The following CEP120 variants were observed in gnomAD, a reference collection of about 807,000 sequenced individuals.
CEP120 encodes the protein centrosomal protein 120.
In CEP120, 113 loss-of-function variants were observed where a neutral mutation model predicts 126.5. The ratio of observed to expected loss-of-function variants is 0.89; its 90% confidence interval spans 0.77 to 1.04. The LOEUF is 1.04. Ranked by LOEUF, CEP120 falls within the 50% of genes least tolerant of loss-of-function variation. The pLI is 0.00. For missense variants in CEP120, 1,230 were observed against 1,155.7 expected, an observed-to-expected ratio of 1.06 and a Z score of -0.93; for synonymous variants, 400 against 394.3, an observed-to-expected ratio of 1.01 and a Z score of -0.17.
intron 4 of CEP120, among the ~76,000 whole-genome samples, chr5:123,407,105 T>TAAAAAAAAA (rs34074238): frequency 7.2e-5 from 9 of 124,702 alleles, no homozygotes; most frequent in African/African-American, 8.8e-5. Context: ...ACTAAAAAAG[T>TAAAAAAAAA]AAAAAAAAAA....
intron 4 of CEP120, among the ~76,000 whole-genome samples, chr5:123,406,483 A>G (rs1580728668): frequency 2.1e-5 from 1 of 46,748 alleles, no homozygotes. Flanking sequence ...GCCAAACGGG[A>G]AAAAAAAAAT....
At chr5:123,378,514 T>C (rs1348007700) in intron 14 of CEP120, 86 bp from the exon 15 acceptor site, 1 of 690,684 alleles carries the variant, frequency 1.4e-6, no homozygotes, top group Non-Finnish European at 2.2e-6. Flanking sequence ...TACACATCAT[T>C]TCACTGAAAC....
At chr5:123,380,764 T>A (rs1231843917) in intron 14 of CEP120, among the ~76,000 whole-genome samples, 1 of 152,086 alleles carries the variant, frequency 6.6e-6, no homozygotes, top group African/African-American at 2.4e-5. Flanking sequence ...AGGTTAAAAA[T>A]TTTAAAAATT....
chr5:123,385,739 C>CTT (rs1458186713), intron 10 of CEP120, among the ~76,000 whole-genome samples: 1 of 151,882 alleles, frequency 6.6e-6, no homozygotes, highest in African/African-American at 2.4e-5. Context: ...GTTTTAGCCC[C>CTT]CTAAGTAGCT....
chr5:123,354,157 C>T (rs1347582506), intron 18 of CEP120, among the ~76,000 whole-genome samples: 1 of 152,064 alleles, frequency 6.6e-6, no homozygotes, highest in Non-Finnish European at 1.5e-5. Context: ...TTACTGTGGT[C>T]TCCAGTTTAC....
chr5:123,418,970 A>G (rs1774549228), intron 1 of CEP120, among the ~76,000 whole-genome samples: 1 of 152,140 alleles, frequency 6.6e-6, no homozygotes, highest in African/African-American at 2.4e-5. Context: ...GCTCACATAT[A>G]CACTCACTTC....
chr5:123,349,894 T>C lies in CEP120; in HGVS notation c.2726+50A>G, dbSNP rs746117918. Reference sequence around the variant, plus strand: ...CCTTGGGAGACCTCAAGTTGTACCTTCCCTGAACCAAACTTTGGCTTTTGA... The same window carrying C: ...CCTTGGGAGACCTCAAGTTGTACCTCCCCTGAACCAAACTTTGGCTTTTGA... On this transcript the variant is annotated intron_variant, in intron 19 of 19. Coordinates refer to ENST00000306467, the MANE Select transcript of CEP120 (RefSeq NM_001375405.1). 2.8e-5 allele frequency: 43 copies of C among 1,547,610 alleles called. 1 individual carries two copies. The South Asian group carries it at 3.5e-4, about 13-fold the overall frequency.
chr5:123,384,006 A>C (rs532351871), intron 11 of CEP120, among the ~76,000 whole-genome samples: 58 of 152,248 alleles, frequency 3.8e-4, no homozygotes, highest in Middle Eastern at 3.4e-3. Context: ...GCACTACTGT[A>C]TCTGACAGAA....
Position 123,347,771 on chromosome 5 carries a change from G to A in CEP120, c.2727-1018C>T, listed in dbSNP as rs556779741. Among the ~76,000 whole-genome samples, 8 of 152,154 alleles carry A rather than the reference G, an allele frequency of 5.3e-5. No individual in the cohort carries two copies. In the East Asian group the frequency reaches 5.8e-4, roughly 11 times the overall value. On this transcript the variant is annotated intron_variant, in intron 19 of 19. Coordinates refer to ENST00000306467, the MANE Select transcript of CEP120 (RefSeq NM_001375405.1). ...ATGGATCTGCCCACCTCAGCCTCTC[G>A]AGTAGCTGGGACTATAGGCCATGCC... is the stretch of plus-strand genomic sequence containing the variant.
intron 17 of CEP120, 124 bp downstream of exon 17, chr5:123,372,526 A>C: frequency 1.0e-6 from 1 of 974,766 alleles, no homozygotes; most frequent in Non-Finnish European, 1.6e-6. Context: ...TTAATTCTCT[A>C]ATGCATTCTT....
intron 4 of CEP120, among the ~76,000 whole-genome samples, chr5:123,405,178 A>G (rs546260302): frequency 3.9e-5 from 6 of 152,340 alleles, no homozygotes; most frequent in African/African-American, 7.2e-5. Context: ...GAGAATCACA[A>G]TTTTGGAACA....
chr5:123,350,761 AAAAC>A (rs1331668453), intron 18 of CEP120, among the ~76,000 whole-genome samples: 83 of 152,362 alleles, frequency 5.4e-4, no homozygotes, highest in African/African-American at 1.9e-3. Context: ...AACAAAAATG[AAAAC>A]AAACAATACA....
chr5:123,381,796 A>G (rs900794157), intron 14 of CEP120, among the ~76,000 whole-genome samples: 11 of 151,508 alleles, frequency 7.3e-5, no homozygotes, highest in African/African-American at 2.7e-4. Context: ...GGGTCTCACT[A>G]TGTTGTCCAG....
In CEP120 at chr5:123,423,233, TGCAGCCC is replaced by T; in HGVS notation, c.-242_-236del. 3.6e-6 allele frequency: 2 copies of T among 549,474 alleles called. No individual in the cohort carries two copies. The highest frequency in any genetic ancestry group is 6.5e-6 in the Non-Finnish European group (2 of 306,936). The allele number at this position is 549,474 out of a possible 1,614,324, so 34.0% of individuals were successfully genotyped here. The stretch of plus-strand genomic sequence containing the variant: ...CCCCGACTCAAGGAAAAAGCCACGC[TGCAGCCC>T]TGCCAGTCTGCAAGCAGAGACAAGC... On this transcript the variant is annotated 5_prime_UTR_variant, in exon 1 of 20. Transcript: ENST00000306467.
In CEP120 at chr5:123,399,119, C is replaced by T; in HGVS notation, c.612+17G>A. On this transcript the variant is annotated intron_variant, in intron 5 of 19. Coordinates refer to ENST00000306467, the MANE Select transcript of CEP120 (RefSeq NM_001375405.1). ...TTCAAATTATTCGTAAGTCACCAAT[C>T]TCATGAAAAGTCTCACCTGTTCCAA... is the stretch of plus-strand genomic sequence containing the variant. The T allele has an allele frequency of 6.5e-7, 1 of 1,549,578 alleles. No homozygotes were observed. The highest frequency in any genetic ancestry group is 8.8e-7 in the Non-Finnish European group (1 of 1,139,602).
intron 16 of CEP120, among the ~76,000 whole-genome samples, chr5:123,375,538 G>A (rs968839151): frequency 6.6e-6 from 1 of 151,794 alleles, no homozygotes; most frequent in Non-Finnish European, 1.5e-5. Flanking sequence ...GCCCAGGCTA[G>A]TCTTGAACTC....
intron 3 of CEP120, among the ~76,000 whole-genome samples, chr5:123,414,446 A>G (rs1774256184): frequency 6.6e-6 from 1 of 152,240 alleles, no homozygotes; most frequent in African/African-American, 2.4e-5. Context: ...ATATGCAAAT[A>G]TCCTTGCTAT....
chr5:123,405,109 A>G (rs1349366884), intron 4 of CEP120, among the ~76,000 whole-genome samples: 1 of 152,372 alleles, frequency 6.6e-6, no homozygotes, highest in Non-Finnish European at 1.5e-5. Flanking sequence ...CTGTCAGAGA[A>G]GTGAGGTCTC....
chr5:123,368,293 A>G (rs2127010780), intron 17 of CEP120, among the ~76,000 whole-genome samples: 1 of 152,098 alleles, frequency 6.6e-6, no homozygotes, highest in South Asian at 2.1e-4. Flanking sequence ...CCCAGGGTAA[A>G]ATGGAAGTAC....
Sources: gnomAD v4.1 joint callset for allele counts (sites outside exome capture counted in the v4.1 genomes callset) on GRCh38, gnomAD v4.1.1 for gene constraint, MANE v1.5 for transcripts, NCBI Gene and HGNC (gene_info 2026-07-23, HGNC 2026-07-21) for gene names.